The following IKZF1 variants were observed in gnomAD, a reference collection of about 807,000 sequenced individuals.
The protein encoded by IKZF1 is IKAROS family zinc finger 1.
In IKZF1, 10 loss-of-function variants were observed where a neutral mutation model predicts 51.7. That is an observed-to-expected ratio of 0.19 (90% CI 0.12 to 0.33). The LOEUF is 0.33. Among genes scored for constraint, IKZF1 ranks in the 10% least tolerant of loss-of-function variants. The probability of loss-of-function intolerance (pLI) is 1.00; values close to 1 mark genes in which losing one functional copy is unlikely to be tolerated. For missense variants in IKZF1, 484 were observed against 707.5 expected, an observed-to-expected ratio of 0.68 and a Z score of 3.58; for synonymous variants, 280 against 282.3, an observed-to-expected ratio of 0.99 and a Z score of 0.08.
At chr7:50,349,190 C>A (rs189795092) in intron 3 of IKZF1, among the ~76,000 whole-genome samples, 1 of 152,162 alleles carries the variant, frequency 6.6e-6, no homozygotes, top group African/African-American at 2.4e-5. Context: ...ACCAAAAGAT[C>A]AACTATTAGC....
chr7:50,313,190 A>G (rs1476812060), intron 1 of IKZF1, among the ~76,000 whole-genome samples: 2 of 152,248 alleles, frequency 1.3e-5, no homozygotes, highest in Non-Finnish European at 2.9e-5. Context: ...AAAATCTACC[A>G]GTCTGAAGAT....
intron 4 of IKZF1, among the ~76,000 whole-genome samples, chr7:50,377,540 C>G (rs1810619688): frequency 6.6e-6 from 1 of 152,232 alleles, no homozygotes. Flanking sequence ...TCACCAGAGG[C>G]GTGGGAACAC....
intron 3 of IKZF1, among the ~76,000 whole-genome samples, chr7:50,335,128 T>C (rs1002790474): frequency 6.7e-6 from 1 of 149,962 alleles, no homozygotes; most frequent in Non-Finnish European, 1.5e-5. Flanking sequence ...TTATGGGATG[T>C]GTGGTATGTA....
intron 3 of IKZF1, among the ~76,000 whole-genome samples, chr7:50,335,859 TG>T (rs1797649568): frequency 6.6e-6 from 1 of 151,948 alleles, no homozygotes; most frequent in Admixed American, 6.6e-5. Context: ...TAGGTAGGCC[TG>T]GCTCTATTGA....
rs1818112927 is a variant in IKZF1, at chr7:50,401,455, A to G, written c.*828A>G. ...CTGTTCCCCGCTTTTTCACTCCCAT[A>G]CCTTTAATGGCCCCCAAAATCTGTC... On this transcript the variant is annotated 3_prime_UTR_variant, in exon 8 of 8. Transcript: ENST00000331340. 4.4e-6 allele frequency: 1 copy of G among 225,206 alleles called. No individual in the cohort carries two copies. The highest frequency in any genetic ancestry group is 2.2e-5 in the African/African-American group (1 of 44,834). 14.0% of individuals were successfully genotyped at this position (225,206 alleles called of 1,614,324 possible).
chr7:50,391,486 A>G (rs1308694535), intron 6 of IKZF1, among the ~76,000 whole-genome samples: 4 of 152,180 alleles, frequency 2.6e-5, no homozygotes. Flanking sequence ...GTGCATTTGG[A>G]CTTAAAGAGG....
At position 50,392,643 on chromosome 7, in the gene IKZF1, G is replaced by A. The variant is rs576594359; in HGVS notation, c.850+780G>A. The stretch of plus-strand genomic sequence containing the variant: ...TCCATCCTTTAGTATCTCACAGGGT[G>A]ATTGTGAATATCCCATGACTCCAAG... On this transcript the variant is annotated intron_variant, in intron 7 of 7. Transcript: ENST00000331340. 3.9e-5 allele frequency among the ~76,000 whole-genome samples: 6 copies of A among 152,330 alleles called. No homozygotes were observed. The East Asian group carries it at 1.2e-3, about 29-fold the overall frequency.
intron 2 of IKZF1, among the ~76,000 whole-genome samples, chr7:50,323,981 T>C (rs1794150038): frequency 6.6e-6 from 1 of 152,206 alleles, no homozygotes; most frequent in Non-Finnish European, 1.5e-5. Flanking sequence ...TACAACTAAT[T>C]GGTCAAGCCA....
chr7:50,348,321 G>A (rs1343153370), intron 3 of IKZF1, among the ~76,000 whole-genome samples: 1 of 152,222 alleles, frequency 6.6e-6, no homozygotes, highest in Non-Finnish European at 1.5e-5. Context: ...TCCTAGCTGA[G>A]GAAGAAGGAG....
intron 3 of IKZF1, among the ~76,000 whole-genome samples, chr7:50,350,027 A>G (rs574546121): frequency 2.0e-5 from 3 of 152,328 alleles, no homozygotes; most frequent in Non-Finnish European, 4.4e-5. Context: ...TCACCCCCAC[A>G]TCAGTAGAGA....
intron 3 of IKZF1, among the ~76,000 whole-genome samples, chr7:50,334,491 TTG>T (rs1192623598): frequency 1.3e-5 from 2 of 151,848 alleles, no homozygotes; most frequent in Non-Finnish European, 2.9e-5. Context: ...TGTCATATGT[TTG>T]TGTGTGCATG....
In IKZF1 at chr7:50,403,228, A is replaced by G. The variant is rs1182607962; in HGVS notation, c.*2601A>G. 1 of 220,648 alleles carries G rather than the reference A, an allele frequency of 4.5e-6. No individual in the cohort carries two copies. The highest frequency in any genetic ancestry group is 9.1e-6 in the Non-Finnish European group (1 of 110,256). 13.7% of individuals were successfully genotyped at this position (220,648 alleles called of 1,614,324 possible). The stretch of plus-strand genomic sequence containing the variant: ...TTAAAGTAAGGTTTCATATTATGTC[A>G]GCAAGTAATTAACTTATGTTTAAAA... On this transcript the variant is annotated 3_prime_UTR_variant, in exon 8 of 8. Coordinates refer to ENST00000331340, the MANE Select transcript of IKZF1 (RefSeq NM_006060.6).
intron 6 of IKZF1, among the ~76,000 whole-genome samples, chr7:50,389,929 C>A (rs1814549267): frequency 1.3e-5 from 2 of 152,330 alleles, no homozygotes; most frequent in South Asian, 4.1e-4. Flanking sequence ...CCCCAAAAAC[C>A]TCCTTAGATG....
At chr7:50,342,128 G>A (rs1799200986) in intron 3 of IKZF1, among the ~76,000 whole-genome samples, 1 of 152,122 alleles carries the variant, frequency 6.6e-6, no homozygotes, top group Admixed American at 6.5e-5. Flanking sequence ...TGCTTTTTAA[G>A]TCTTTCATTT....
intron 3 of IKZF1, among the ~76,000 whole-genome samples, chr7:50,373,280 G>A (rs1173109655): frequency 2.6e-5 from 4 of 152,154 alleles, no homozygotes; most frequent in Admixed American, 1.3e-4. Context: ...ACCTGCAAGC[G>A]CCCACACACT....
At chr7:50,368,043 A>G (rs1807481695) in intron 3 of IKZF1, 1 of 702,602 alleles carries the variant, frequency 1.4e-6, no homozygotes, top group Non-Finnish European at 2.6e-6. Flanking sequence ...ATTTCCATGC[A>G]ATAATTCCCA....
intron 3 of IKZF1, among the ~76,000 whole-genome samples, chr7:50,374,296 T>C (rs1695052624): frequency 6.6e-6 from 1 of 152,234 alleles, no homozygotes. Context: ...AGATTTTTCG[T>C]ATCCATAGGT....
At chr7:50,303,846 C>G (rs745836012), upstream of IKZF1, among the ~76,000 whole-genome samples, 6 of 148,918 alleles carry the variant, frequency 4.0e-5, no homozygotes, top group African/African-American at 1.5e-4. This position sits in a 1 kb window ranked among gnomAD's most constrained non-coding sequence, Gnocchi z 4.7. Flanking sequence ...TCCCCCTCCC[C>G]CTCCTGGCGG....
intron 1 of IKZF1, 136 bp downstream of exon 1, chr7:50,305,058 G>A (rs115028685): frequency 2.0e-5 from 3 of 152,546 alleles, no homozygotes; most frequent in Non-Finnish European, 4.4e-5. Context: ...CTTTTCTGAG[G>A]ACAGTGAGAG....
Sources: gnomAD v4.1 joint callset for allele counts (sites outside exome capture counted in the v4.1 genomes callset) on GRCh38, gnomAD v4.1.1 for gene constraint, Gnocchi (gnomAD v3.1) non-coding constraint, MANE v1.5 for transcripts, NCBI Gene and HGNC (gene_info 2026-07-23, HGNC 2026-07-21) for gene names.